SLCO4A1: variants seen among roughly 807,000 people sequenced by gnomAD.
The protein encoded by SLCO4A1 is colon organic anion transporter.
SLCO4A1 carries 51 observed loss-of-function variants against 64.6 expected under a neutral mutation model. The observed-to-expected ratio is 0.79, with a 90% CI of 0.63 to 1.00. The LOEUF (loss-of-function observed/expected upper bound fraction) is 1.00. SLCO4A1 is among the 50% of genes least tolerant of loss of function. The pLI is 0.00. For missense variants in SLCO4A1, 919 were observed against 980.5 expected, an observed-to-expected ratio of 0.94 and a Z score of 0.84; for synonymous variants, 471 against 444.9, an observed-to-expected ratio of 1.06 and a Z score of -0.74.
chr20:62,649,638 G>T lies in SLCO4A1; in HGVS notation c.-96-6721G>T, dbSNP rs114554055. The T allele has an allele frequency of 9.6e-3, 1,463 of 152,438 alleles. 23 individuals carry two copies. Among genetic ancestry groups the T allele is most frequent in the African/African-American group, 0.033 (1,370 of 41,568 alleles). 9.4% of individuals were successfully genotyped at this position (152,438 alleles called of 1,614,324 possible). A position where few individuals can be genotyped will look rare whatever the true frequency, so the allele number is the denominator to read the frequency against. On this transcript the variant is annotated intron_variant, in intron 1 of 11. Transcript: ENST00000217159. ...TGACAGGAGCCAGGGTGGCCTGGGG[G>T]CTGGCCGCTGGCCTGTCCTTCACAG...
chr20:62,657,108 C>G lies in SLCO4A1; in HGVS notation c.654C>G (p.Asp218Glu), dbSNP rs780086862. 6.3e-7 allele frequency: 1 copy of G among 1,590,598 alleles called. No homozygotes were observed. Among genetic ancestry groups the G allele is most frequent in the South Asian group, 1.1e-5 (1 of 89,034 alleles). Residue 218 changes from aspartate to glutamate, a missense_variant, in exon 2 of 12, where the codon GAC (aspartate) becomes GAG (glutamate). By Grantham distance (45) the Asp-to-Glu change is conservative. Coordinates refer to ENST00000217159, the MANE Select transcript of SLCO4A1 (RefSeq NM_016354.4). ...CPANPGAVCA[D>E]STSGLSRYQL... Reference sequence around the variant, plus strand: ...CCAACCCCGGCGCGGTGTGTGCGGACAGCACCTCGGGCCTGTCCCGCTACC... The same window carrying G: ...CCAACCCCGGCGCGGTGTGTGCGGAGAGCACCTCGGGCCTGTCCCGCTACC...
intron 2 of SLCO4A1, among the ~76,000 whole-genome samples, chr20:62,683,802 T>G (rs1161982817): frequency 1.3e-5 from 2 of 152,134 alleles, no homozygotes; most frequent in South Asian, 4.1e-4. Context: ...CTCAAAACTC[T>G]CTCCATCAGT....
downstream of SLCO4A1, among the ~76,000 whole-genome samples, chr20:62,674,911 C>T (rs539991263): frequency 2.6e-5 from 4 of 152,282 alleles, no homozygotes; most frequent in East Asian, 5.8e-4. Context: ...TCGTGGGCTT[C>T]GGGACTCCAG....
intron 2 of SLCO4A1, among the ~76,000 whole-genome samples, chr20:62,681,882 T>G (rs1349015740): frequency 2.2e-4 from 1 of 4,512 alleles, no homozygotes; most frequent in African/African-American, 2.4e-4. Context: ...TGTTGCTTCT[T>G]GGGTGAGTTT....
downstream of SLCO4A1, among the ~76,000 whole-genome samples, chr20:62,674,770 C>T (rs1987508124): frequency 6.6e-6 from 1 of 152,128 alleles, no homozygotes; most frequent in Admixed American, 6.5e-5. Flanking sequence ...GTGAGGGTGG[C>T]CCCCCGATGG....
At position 62,645,363 on chromosome 20, in the gene SLCO4A1, G is replaced by C. The variant is rs958271759; in HGVS notation, c.-97+2810G>C. On this transcript the variant is annotated intron_variant, in intron 1 of 11. Transcript: ENST00000217159. This position sits in a 1 kb window ranked among gnomAD's most constrained non-coding sequence, Gnocchi z 4.2. ...CCTGTGGGCCTCTGCAGAGGAAGCA[G>C]ACTGGGACTACAAAGAACAACCTGG... Among the ~76,000 whole-genome samples, 8 of 151,982 alleles carry C rather than the reference G, an allele frequency of 5.3e-5. No individual in the cohort carries two copies. The highest frequency in any genetic ancestry group is 4.4e-5 in the Non-Finnish European group (3 of 67,976).
rs765170285 is a variant in SLCO4A1, at chr20:62,656,902, G to A, written c.448G>A (p.Asp150Asn). 8 of 1,572,198 alleles carry A rather than the reference G, an allele frequency of 5.1e-6. No homozygotes were observed. Among genetic ancestry groups the A allele is most frequent in the East Asian group, 4.5e-5 (2 of 44,236 alleles). The change falls in exon 2 of 12, where the codon GAC becomes AAC. Residue 150 changes from aspartate (D) to asparagine (N), a missense_variant. By Grantham distance (23) the Asp-to-Asn change is conservative. Transcript: ENST00000217159. ...GAGCGGGCTCATCGCCAGCTCCTAC[G>A]ACATTGCCGCCTGCCTCTGCCTCAC... ...YQSGLIASSY[D>N]IAACLCLTFV...
chr20:62,665,407 C>T, intron 6 of SLCO4A1: 3 of 268,874 alleles, frequency 1.1e-5, no homozygotes, highest in Non-Finnish European at 2.1e-5. Flanking sequence ...GTTCCATGAG[C>T]CAGGCACTGG....
chr20:62,646,346 T>C (rs1040555349), intron 1 of SLCO4A1, among the ~76,000 whole-genome samples: 4 of 152,234 alleles, frequency 2.6e-5, no homozygotes, highest in Non-Finnish European at 5.9e-5. Flanking sequence ...GCAGGCCCTG[T>C]GCCCAAGGAC....
chr20:62,656,282 G>A, intron 1 of SLCO4A1, 77 bp from the exon 2 acceptor site: 1 of 608,096 alleles, frequency 1.6e-6, no homozygotes, highest in Non-Finnish European at 2.8e-6. Flanking sequence ...CGTGATGGGT[G>A]TGCTGGAATG....
At chr20:62,667,257 C>T (rs983648797) in intron 7 of SLCO4A1, among the ~76,000 whole-genome samples, 5 of 152,212 alleles carry the variant, frequency 3.3e-5, no homozygotes, top group South Asian at 2.1e-4. Flanking sequence ...GGACAATGGG[C>T]GCAGTGTGCT....
chr20:62,653,580 C>T (rs374037655), intron 1 of SLCO4A1, among the ~76,000 whole-genome samples: 4 of 152,334 alleles, frequency 2.6e-5, no homozygotes, highest in East Asian at 1.9e-4. Flanking sequence ...GGCGGATCAC[C>T]GGCTGCGCCT....
At chr20:62,655,957 G>A (rs1983631336) in intron 1 of SLCO4A1, among the ~76,000 whole-genome samples, 1 of 152,236 alleles carries the variant, frequency 6.6e-6, no homozygotes, top group Non-Finnish European at 1.5e-5. Flanking sequence ...CGGGGCCAGG[G>A]CGGGGTGACC....
At chr20:62,674,189 C>T (rs1190183014), downstream of SLCO4A1, among the ~76,000 whole-genome samples, 3 of 152,210 alleles carry the variant, frequency 2.0e-5, 1 homozygote, top group Admixed American at 1.3e-4. Flanking sequence ...AGGAACCAGC[C>T]GTGCTCCCAG....
At position 62,672,251 on chromosome 20, in the gene SLCO4A1, T is replaced by C. The variant is rs1987327360; in HGVS notation, c.*358T>C. Reference sequence around the variant, plus strand: ...CTGAGGAAGGCTTGTGTGTCCTCAGTTAAAACTGTGCATATCGAAATATAT... The same window carrying C: ...CTGAGGAAGGCTTGTGTGTCCTCAGCTAAAACTGTGCATATCGAAATATAT... On this transcript the variant is annotated 3_prime_UTR_variant, in exon 12 of 12. Transcript: ENST00000217159. 2 of 1,215,504 alleles carry C rather than the reference T, an allele frequency of 1.6e-6. No homozygotes were observed. Among genetic ancestry groups the C allele is most frequent in the African/African-American group, 3.1e-5 (2 of 64,378 alleles). 75.3% of individuals were successfully genotyped at this position (1,215,504 alleles called of 1,614,324 possible).
chr20:62,671,662 G>A, intron 11 of SLCO4A1, 88 bp from the exon 12 acceptor site: 1 of 1,273,540 alleles, frequency 7.9e-7, no homozygotes, highest in Non-Finnish European at 1.1e-6. Context: ...TGCAGGCTGG[G>A]GCAGGGACAG....
downstream of SLCO4A1, among the ~76,000 whole-genome samples, chr20:62,689,722 A>AC (rs1389402692): frequency 6.6e-6 from 1 of 152,164 alleles, no homozygotes; most frequent in African/African-American, 2.4e-5. Flanking sequence ...TGCCTTAATA[A>AC]CTTGCGGGGG....
chr20:62,666,766 C>T (rs1986423609), intron 7 of SLCO4A1, 191 bp downstream of exon 7: 2 of 606,686 alleles, frequency 3.3e-6, no homozygotes, highest in South Asian at 3.9e-5. Context: ...CCATGCCAGC[C>T]CCCAGCAGTG....
chr20:62,646,383 C>A (rs1258784158), intron 1 of SLCO4A1, among the ~76,000 whole-genome samples: 1 of 152,252 alleles, frequency 6.6e-6, no homozygotes, highest in Non-Finnish European at 1.5e-5. Flanking sequence ...GAGGTCCTTT[C>A]CTCTTCCCCA....
Sources: gnomAD v4.1 joint callset for allele counts (sites outside exome capture counted in the v4.1 genomes callset) on GRCh38, gnomAD v4.1.1 for gene constraint, Gnocchi (gnomAD v3.1) non-coding constraint, MANE v1.5 for transcripts, NCBI Gene and HGNC (gene_info 2026-07-23, HGNC 2026-07-21) for gene names.